Variants in PTPRD observed in about 807,000 individuals in gnomAD.
PTPRD encodes the protein protein tyrosine phosphatase receptor type D.
Under a neutral mutation model 214.5 loss-of-function variants are expected in PTPRD, and 34 were observed. That is an observed-to-expected ratio of 0.16 (90% CI 0.12 to 0.21). The LOEUF is 0.21. Among genes scored for constraint, PTPRD ranks in the 10% least tolerant of loss-of-function variants. PTPRD has a pLI of 1.00. For synonymous variants in PTPRD, 1,128 were observed against 845.7 expected (o/e 1.33, Z -5.79); for missense variants, 2,545 against 2,398.7 (o/e 1.06, Z -1.27).
chr9:8,993,495 T>C (rs1483653592), intron 11 of PTPRD, among the ~76,000 whole-genome samples: 6 of 152,156 alleles, frequency 3.9e-5, no homozygotes, highest in Non-Finnish European at 7.3e-5. Flanking sequence ...TCTACTTCTT[T>C]GTCTGTCTAT....
At position 10,204,482 on chromosome 9, in the gene PTPRD, C is replaced by T. The variant is rs115613881; in HGVS notation, c.-545+136481G>A. Among the ~76,000 whole-genome samples the T allele has an allele frequency of 3.0e-3, 456 of 152,082 alleles. 3 individuals carry two copies. The highest frequency in any genetic ancestry group is 9.2e-3 in the African/African-American group (380 of 41,488). ...GGCTGTTTCCAGTGAATGGAATTTC[C>T]GTCATCTAGTTGGCTAGCATTAAAT... On this transcript the variant is annotated intron_variant, in intron 3 of 45. Transcript: ENST00000381196.
Position 9,121,653 on chromosome 9 carries a change from G to C in PTPRD, c.-143+61651C>G, listed in dbSNP as rs117183701. On this transcript the variant is annotated intron_variant, in intron 10 of 45. Coordinates refer to ENST00000381196, the MANE Select transcript of PTPRD (RefSeq NM_002839.4). The stretch of plus-strand genomic sequence containing the variant: ...GCAGAAGCCTAAGAAGGATACAATG[G>C]ACTTTGGGGACTTGGTGGGAAGTGT... Among the ~76,000 whole-genome samples, 594 of 152,122 alleles carry C rather than the reference G, an allele frequency of 3.9e-3. 2 individuals are homozygous for C. The highest frequency in any genetic ancestry group is 0.017 in the East Asian group (88 of 5,156).
rs148923236 is a variant in PTPRD, at chr9:8,485,281, G to C, written c.3099C>G (p.Ser1033=). 6.2e-7 allele frequency: 1 copy of C among 1,614,082 alleles called. No homozygotes were observed. Among genetic ancestry groups the C allele is most frequent in the Non-Finnish European group, 8.5e-7 (1 of 1,179,984 alleles). The change falls in exon 29 of 46, where the codon TCC becomes TCG. Residue 1033 remains serine (S), a synonymous_variant. Coordinates refer to ENST00000381196, the MANE Select transcript of PTPRD (RefSeq NM_002839.4). ...CTGGAATCTCCCAAGACAGCAACAC[G>C]GAAGTCTTCATTACTGCTTTGACAT... The part of the protein sequence containing the change: ...NFHVKAVMKT[S]VLLSWEIPEN...
chr9:9,630,594 G>A (rs907498114), intron 7 of PTPRD, among the ~76,000 whole-genome samples: 1 of 152,198 alleles, frequency 6.6e-6, no homozygotes, highest in African/African-American at 2.4e-5. Context: ...TATGAAATTT[G>A]AGTAAAATGC....
chr9:8,328,487 T>C (rs1280957939), intron 44 of PTPRD, among the ~76,000 whole-genome samples: 1 of 152,112 alleles, frequency 6.6e-6, no homozygotes, highest in Non-Finnish European at 1.5e-5. Context: ...ATCTGATGAT[T>C]CATTGTGTGT....
At chr9:10,067,114 G>A (rs1056623820) in intron 3 of PTPRD, among the ~76,000 whole-genome samples, 3 of 151,848 alleles carry the variant, frequency 2.0e-5, no homozygotes, top group Non-Finnish European at 4.4e-5. Flanking sequence ...GGATGGTCCA[G>A]GATAAAATTG....
At chr9:9,327,726 A>G (rs1049780838) in intron 9 of PTPRD, among the ~76,000 whole-genome samples, 1 of 151,988 alleles carries the variant, frequency 6.6e-6, no homozygotes, top group Non-Finnish European at 1.5e-5. Context: ...GAATACTTCT[A>G]TTTTTTCACT....
chr9:8,460,394 A>G lies in PTPRD; in HGVS notation c.3875+17T>C, dbSNP rs567906680. On this transcript the variant is annotated intron_variant, in intron 33 of 45. Transcript: ENST00000381196. ...GGCAGCCTCCAAAATTACAACAGAA[A>G]TATTGGGCAAACCTACCTTTTATAA... The G allele has an allele frequency of 1.2e-4, 198 of 1,609,860 alleles. 1 individual carries two copies. In the South Asian group the frequency reaches 2.1e-3, roughly 17 times the overall value.
At chr9:9,091,254 G>C (rs979727261) in intron 10 of PTPRD, 1 of 1,239,942 alleles carries the variant, frequency 8.1e-7, no homozygotes, top group African/African-American at 1.5e-5. Flanking sequence ...AAGGAGCTGA[G>C]TTCTTAAAGA....
At chr9:8,525,080 G>C (rs937323193) in intron 17 of PTPRD, 45 bp from the exon 18 acceptor site, 3 of 1,518,914 alleles carry the variant, frequency 2.0e-6, no homozygotes, top group Non-Finnish European at 2.7e-6. Context: ...ATCAGAGAAG[G>C]CTTTCTCAGT....
chr9:10,392,188 A>G (rs758466933), intron 2 of PTPRD, among the ~76,000 whole-genome samples: 1 of 152,074 alleles, frequency 6.6e-6, no homozygotes, highest in African/African-American at 2.4e-5. Context: ...AGTTTAGTGC[A>G]TTTTCTATCG....
At chr9:9,586,193 T>C (rs1457994308) in intron 7 of PTPRD, among the ~76,000 whole-genome samples, 1 of 151,942 alleles carries the variant, frequency 6.6e-6, no homozygotes, top group African/African-American at 2.4e-5. Flanking sequence ...CTCATATTTC[T>C]TTTTCCCCTT....
intron 43 of PTPRD, among the ~76,000 whole-genome samples, chr9:8,332,447 GCAAA>G (rs1047925105): frequency 6.6e-6 from 1 of 152,114 alleles, no homozygotes; most frequent in Non-Finnish European, 1.5e-5. Flanking sequence ...ACGACTATTA[GCAAA>G]CAAATGCCCT....
At chr9:10,214,930 G>A (rs1211706371) in intron 3 of PTPRD, among the ~76,000 whole-genome samples, 2 of 152,044 alleles carry the variant, frequency 1.3e-5, no homozygotes. Context: ...CTCTAGGAAT[G>A]TCTGTTGAAG....
intron 10 of PTPRD, among the ~76,000 whole-genome samples, chr9:9,071,224 T>C (rs1383304898): frequency 6.6e-6 from 1 of 152,208 alleles, no homozygotes; most frequent in Admixed American, 6.5e-5. Context: ...CCTGAACTTT[T>C]ATATTCATTC....
intron 10 of PTPRD, among the ~76,000 whole-genome samples, chr9:9,123,174 T>C (rs1239307732): frequency 2.0e-5 from 3 of 152,180 alleles, no homozygotes; most frequent in African/African-American, 7.2e-5. Context: ...ATATTTTCAT[T>C]TGCGGTTAGA....
chr9:8,968,756 C>A (rs1269449729), intron 11 of PTPRD, among the ~76,000 whole-genome samples: 1 of 150,838 alleles, frequency 6.6e-6, no homozygotes, highest in Non-Finnish European at 1.5e-5. Context: ...ACTGTCAATG[C>A]AAAATTATAA....
At chr9:8,387,055 G>C (rs1909755) in intron 37 of PTPRD, among the ~76,000 whole-genome samples, 40,189 of 152,040 alleles carry the variant, frequency 0.26, 6,409 homozygotes, top group East Asian at 0.56. Context: ...GCTTATGCAG[G>C]TCATCACAAA....
intron 14 of PTPRD, among the ~76,000 whole-genome samples, chr9:8,538,361 G>T (rs1422793233): frequency 6.6e-6 from 1 of 151,686 alleles, no homozygotes; most frequent in African/African-American, 2.4e-5. Context: ...AGTAAACAAG[G>T]AAAGAGACTT....
Sources: allele counts gnomAD v4.1 joint callset (sites outside exome capture counted in the v4.1 genomes callset), GRCh38; gene constraint gnomAD v4.1.1; transcripts MANE v1.5; gene names NCBI Gene and HGNC (gene_info 2026-07-23, HGNC 2026-07-21).